The following MED13L variants were observed in gnomAD, a reference collection of about 807,000 sequenced individuals.
MED13L encodes the protein mediator of RNA polymerase II transcription subunit 13-like.
A neutral mutation model predicts 220.9 loss-of-function variants in MED13L; 7 were observed. The observed-to-expected ratio is 0.03, with a 90% CI of 0.02 to 0.06. The LOEUF is 0.06. MED13L is among the 10% of genes least tolerant of loss of function. MED13L has a pLI of 1.00. For missense variants in MED13L, 1,965 were observed against 2,760.5 expected, an observed-to-expected ratio of 0.71 and a Z score of 6.46; for synonymous variants, 1,011 against 1,015.2, an observed-to-expected ratio of 1.00 and a Z score of 0.08.
intron 4 of MED13L, among the ~76,000 whole-genome samples, chr12:116,041,545 A>G (rs553228103): frequency 2.2e-4 from 34 of 152,188 alleles, no homozygotes; most frequent in Non-Finnish European, 4.3e-4. Flanking sequence ...AATTTTGTAT[A>G]AAGTAAAACA....
chr12:115,967,263 TA>T (rs1480563957), intron 28 of MED13L, among the ~76,000 whole-genome samples: 1 of 151,516 alleles, frequency 6.6e-6, no homozygotes, highest in Non-Finnish European at 1.5e-5. Flanking sequence ...CTGAGTTGGT[TA>T]AAAAAATAAA....
chr12:116,268,312 T>C (rs1464224940), intron 1 of MED13L, among the ~76,000 whole-genome samples: 3 of 152,228 alleles, frequency 2.0e-5, no homozygotes, highest in Admixed American at 6.5e-5. Context: ...TCCAGTTAGA[T>C]ATATGTATGT....
rs777433642 is a variant in MED13L at position 116,096,641 on chromosome 12, A to G, written c.479+28T>C. On this transcript the variant is annotated intron_variant, in intron 4 of 30. Transcript: ENST00000281928. ...CCCACCCACAAGGCCAAAGAAACCA[A>G]AAAGCCAAGAGCATTCTAAAGGCTC... The G allele has an allele frequency of 3.7e-6, 6 of 1,602,852 alleles. No homozygotes were observed. The South Asian group carries it at 6.6e-5, about 18-fold the overall frequency.
At chr12:116,029,121 A>C (rs1225440031) in intron 4 of MED13L, among the ~76,000 whole-genome samples, 4 of 152,114 alleles carry the variant, frequency 2.6e-5, no homozygotes, top group Non-Finnish European at 4.4e-5. Flanking sequence ...TCATCAGTAA[A>C]TAATCTACAT....
intron 1 of MED13L, among the ~76,000 whole-genome samples, chr12:116,274,032 A>G (rs1360418608): frequency 6.6e-6 from 1 of 152,188 alleles, no homozygotes; most frequent in Non-Finnish European, 1.5e-5. Flanking sequence ...AATAGTTTTG[A>G]GTCAGAAAGG....
At chr12:116,083,686 CAA>C (rs1039720974) in intron 4 of MED13L, among the ~76,000 whole-genome samples, 5 of 152,116 alleles carry the variant, frequency 3.3e-5, no homozygotes, top group African/African-American at 1.2e-4. Context: ...GCTGCACGTA[CAA>C]AAAGTCATAA....
Position 116,008,511 on chromosome 12 carries a change from A to G in MED13L, c.1902T>C (p.His634=). ...SNPESSEKWW[H]SYRLPPSDDA... Reference sequence around the variant, plus strand: ...CATCACTGGGTGGGAGACGATAACTATGCCACCACTTTTCTGATGACTCCG... The same window carrying G: ...CATCACTGGGTGGGAGACGATAACTGTGCCACCACTTTTCTGATGACTCCG... Residue 634 remains histidine, a synonymous_variant, in exon 10 of 31, where the codon CAT becomes CAC. Transcript: ENST00000281928. 1 of 1,613,880 alleles carries G rather than the reference A, an allele frequency of 6.2e-7. No homozygotes were observed. Among genetic ancestry groups the G allele is most frequent in the Non-Finnish European group, 8.5e-7 (1 of 1,179,980 alleles).
intron 2 of MED13L, among the ~76,000 whole-genome samples, chr12:116,124,150 GAC>G (rs1491009878): frequency 4.2e-4 from 57 of 137,174 alleles, no homozygotes; most frequent in Non-Finnish European, 4.9e-4. Context: ...GAGAGAGAGA[GAC>G]AGAGACAGAG....
intron 2 of MED13L, among the ~76,000 whole-genome samples, chr12:116,135,267 G>A (rs762641202): frequency 3.3e-5 from 5 of 152,120 alleles, no homozygotes; most frequent in Non-Finnish European, 7.4e-5. Flanking sequence ...TGGAACACTC[G>A]CTCTGAAAGT....
intron 14 of MED13L, among the ~76,000 whole-genome samples, chr12:115,997,517 G>A (rs1379030676): frequency 3.9e-5 from 6 of 152,190 alleles, no homozygotes; most frequent in South Asian, 2.1e-4. Context: ...TGCCTTCCTC[G>A]TTCAAGCAAT....
intron 2 of MED13L, among the ~76,000 whole-genome samples, chr12:116,188,446 G>T (rs1281074738): frequency 6.6e-6 from 1 of 152,106 alleles, no homozygotes; most frequent in African/African-American, 2.4e-5. Context: ...AACAAGCTAG[G>T]TAAAACGGCA....
chr12:116,091,641 C>T (rs1193347441), intron 4 of MED13L, among the ~76,000 whole-genome samples: 4 of 152,302 alleles, frequency 2.6e-5, no homozygotes, highest in African/African-American at 7.2e-5. Context: ...ACTGCAAAAG[C>T]TCTACATTCA....
At chr12:116,141,954 T>C (rs1470567369) in intron 2 of MED13L, among the ~76,000 whole-genome samples, 1 of 152,058 alleles carries the variant, frequency 6.6e-6, no homozygotes, top group Non-Finnish European at 1.5e-5. Flanking sequence ...CCCACACCAC[T>C]TGAGCCATAC....
intron 19 of MED13L, among the ~76,000 whole-genome samples, chr12:115,984,669 C>G (rs1337059013): frequency 6.6e-6 from 1 of 152,114 alleles, no homozygotes; most frequent in Non-Finnish European, 1.5e-5. Flanking sequence ...TACCTGATTG[C>G]TAACGGACAA....
chr12:116,089,288 G>A (rs1187514993), intron 4 of MED13L, among the ~76,000 whole-genome samples: 2 of 152,068 alleles, frequency 1.3e-5, no homozygotes, highest in Non-Finnish European at 2.9e-5. Flanking sequence ...GAACTCCTGG[G>A]CTCAAGCAAT....
chr12:115,999,522 A>C (rs1313146345), intron 14 of MED13L, among the ~76,000 whole-genome samples: 1 of 152,204 alleles, frequency 6.6e-6, no homozygotes, highest in Non-Finnish European at 1.5e-5. Flanking sequence ...TTTAAAACAT[A>C]ATTCTGCTTC....
At chr12:116,081,964 T>A (rs1024964740) in intron 4 of MED13L, among the ~76,000 whole-genome samples, 5 of 152,332 alleles carry the variant, frequency 3.3e-5, no homozygotes, top group African/African-American at 1.2e-4. Flanking sequence ...ATTTTTTTTT[T>A]AAAAGTGCTA....
intron 4 of MED13L, among the ~76,000 whole-genome samples, chr12:116,064,443 A>T (rs762600725): frequency 6.6e-6 from 1 of 152,136 alleles, no homozygotes; most frequent in Non-Finnish European, 1.5e-5. Flanking sequence ...ACCGATATGG[A>T]GGGCCAGCTG....
intron 2 of MED13L, among the ~76,000 whole-genome samples, chr12:116,141,190 A>G (rs893213790): frequency 6.6e-6 from 1 of 152,224 alleles, no homozygotes; most frequent in Non-Finnish European, 1.5e-5. Flanking sequence ...GGTACCTAAT[A>G]TGAAGGCAAT....
Sources: gnomAD v4.1 joint callset for allele counts (sites outside exome capture counted in the v4.1 genomes callset) on GRCh38, gnomAD v4.1.1 for gene constraint, MANE v1.5 for transcripts, NCBI Gene and HGNC (gene_info 2026-07-23, HGNC 2026-07-21) for gene names.